PPP2R1B: variants seen among roughly 807,000 people sequenced by gnomAD.
PPP2R1B encodes protein phosphatase 2 scaffold subunit Abeta.
A neutral mutation model predicts 72.7 loss-of-function variants in PPP2R1B; 58 were observed. That is an observed-to-expected ratio of 0.80 (90% CI 0.65 to 0.99). The LOEUF (loss-of-function observed/expected upper bound fraction) is 0.99, where lower values mean the gene tolerates loss of function less well. PPP2R1B is among the 50% of genes least tolerant of loss of function. The probability of loss-of-function intolerance (pLI) is 0.00; values close to 1 mark genes in which losing one functional copy is unlikely to be tolerated. For synonymous variants in PPP2R1B, 256 were observed against 264.6 expected, an observed-to-expected ratio of 0.97 and a Z score of 0.32; for missense variants, 695 against 733.6, an observed-to-expected ratio of 0.95 and a Z score of 0.61.
At chr11:111,697,090 G>A in the PPP2R1B span, among the ~76,000 whole-genome samples, 2 of 152,174 alleles carry the variant, frequency 1.3e-5, no homozygotes, top group Admixed American at 1.3e-4. Context: ...CATAAAGGTG[G>A]TGGTTAACAA....
Position 111,740,067 on chromosome 11 carries a change from G to C in PPP2R1B, c.*1529C>G, listed in dbSNP as rs1003598339. Reference sequence around the variant, plus strand: ...TCACTAAACAGAACAGGACTTGTTAGATTTAAAAGAGGTTGTGAACAAAAT... The same window carrying C: ...TCACTAAACAGAACAGGACTTGTTACATTTAAAAGAGGTTGTGAACAAAAT... On this transcript the variant is annotated 3_prime_UTR_variant, in exon 15 of 15. Transcript: ENST00000527614. 3 of 985,208 alleles carry C rather than the reference G, an allele frequency of 3.0e-6. No individual in the cohort carries two copies. The Admixed American group carries it at 1.8e-4, about 61-fold the overall frequency. The allele number at this position is 985,208 out of a possible 1,614,324, so 61.0% of individuals were successfully genotyped here. A position where few individuals can be genotyped will look rare whatever the true frequency, so the allele number is the denominator to read the frequency against.
chr11:111,743,269 A>C, intron 12 of PPP2R1B, 107 bp downstream of exon 12: 1 of 1,137,448 alleles, frequency 8.8e-7, no homozygotes, highest in Non-Finnish European at 1.2e-6. Context: ...TAATCAATAC[A>C]AGACATATAT....
chr11:111,695,383 T>C, the PPP2R1B span, among the ~76,000 whole-genome samples: 4 of 152,198 alleles, frequency 2.6e-5, no homozygotes, highest in Non-Finnish European at 5.9e-5. Context: ...AGCTTGAAGA[T>C]TGGTTTTCAA....
chr11:111,705,191 T>C, the PPP2R1B span: 1 of 1,459,524 alleles, frequency 6.9e-7, no homozygotes, highest in South Asian at 1.6e-5. This position sits in a 1 kb window ranked among gnomAD's most constrained non-coding sequence, Gnocchi z 4.3. Context: ...TGTTCACATG[T>C]TTGATACATT....
At chr11:111,737,672 G>C (rs1293031203), downstream of PPP2R1B, 50 of 1,564,042 alleles carry the variant, frequency 3.2e-5, no homozygotes, top group Non-Finnish European at 5.2e-6. Context: ...TGTGCCAGCA[G>C]AGTTGGGTGT....
chr11:111,738,237 A>G lies in PPP2R1B; in HGVS notation c.*3359T>C. Reference sequence around the variant, plus strand: ...ACAGGGCCTCTCCCTCTACAGTTTCATATCCAAGCAGTGGAGAAAAATAAG... The same window carrying G: ...ACAGGGCCTCTCCCTCTACAGTTTCGTATCCAAGCAGTGGAGAAAAATAAG... On this transcript the variant is annotated 3_prime_UTR_variant, in exon 15 of 15. Coordinates refer to ENST00000527614, the MANE Select transcript of PPP2R1B (RefSeq NM_002716.5). The G allele has an allele frequency of 1.0e-6, 1 of 985,544 alleles. No individual in the cohort carries two copies. The highest frequency in any genetic ancestry group is 1.2e-6 in the Non-Finnish European group (1 of 830,020). The allele number at this position is 985,544 out of a possible 1,614,324, so 61.0% of individuals were successfully genotyped here.
chr11:111,709,025 C>T, the PPP2R1B span, among the ~76,000 whole-genome samples: 1 of 152,350 alleles, frequency 6.6e-6, no homozygotes, highest in East Asian at 1.9e-4. Context: ...CCCTTCACAA[C>T]AGGTTGTGCC....
At chr11:111,765,267 C>T in intron 2 of PPP2R1B, 27 bp downstream of exon 2, 1 of 1,575,570 alleles carries the variant, frequency 6.3e-7, no homozygotes. Context: ...AATGTCCCTA[C>T]CTTTCTTTAA....
In PPP2R1B at chr11:111,742,584, C is replaced by G; in HGVS notation, c.1636G>C (p.Ala546Pro). The change falls in exon 13 of 15, where the codon GCA becomes CCA. Residue 546 changes from alanine (A) to proline (P), a missense_variant. Physicochemically the swap from Ala to Pro is conservative, Grantham distance 27. Transcript: ENST00000527614. Reference sequence around the variant, plus strand: ...TTGGCCACATTGAAGCGAACATTTGCTACTTGGTCTCCTGCCATTTTTAAT... The same window carrying G: ...TTGGCCACATTGAAGCGAACATTTGGTACTTGGTCTCCTGCCATTTTTAAT... ...IVLKMAGDQV[A>P]NVRFNVAKSL... 6.2e-7 allele frequency: 1 copy of G among 1,613,866 alleles called. No homozygotes were observed. Among genetic ancestry groups the G allele is most frequent in the South Asian group, 1.1e-5 (1 of 91,078 alleles).
the PPP2R1B span, chr11:111,721,775 G>A: frequency 9.2e-5 from 129 of 1,402,598 alleles, no homozygotes; most frequent in Non-Finnish European, 1.2e-4. Flanking sequence ...GCTAAGAACT[G>A]AGACGTTTTT....
At chr11:111,736,011 T>G (rs1438857643), downstream of PPP2R1B, among the ~76,000 whole-genome samples, 2 of 152,178 alleles carry the variant, frequency 1.3e-5, no homozygotes, top group Non-Finnish European at 2.9e-5. Flanking sequence ...GGGATTTTTC[T>G]GAGTTAAATG....
At chr11:111,690,359 C>T in the PPP2R1B span, among the ~76,000 whole-genome samples, 3 of 149,776 alleles carry the variant, frequency 2.0e-5, no homozygotes, top group Admixed American at 6.7e-5. Context: ...ATTACCAAAA[C>T]GAAATATTTA....
At chr11:111,765,628 A>AAGACAAT (rs1555052790) in intron 1 of PPP2R1B, among the ~76,000 whole-genome samples, 1 of 152,248 alleles carries the variant, frequency 6.6e-6, no homozygotes, top group African/African-American at 2.4e-5. Context: ...AAATGAAGGA[A>AAGACAAT]AGACAATACA....
At chr11:111,689,984 GTATA>G in the PPP2R1B span, among the ~76,000 whole-genome samples, 4 of 148,692 alleles carry the variant, frequency 2.7e-5, no homozygotes, top group Middle Eastern at 3.4e-3. Context: ...GTGTGTATGT[GTATA>G]TATATATATA....
intron 10 of PPP2R1B, 140 bp from the exon 11 acceptor site, chr11:111,748,154 G>C (rs555917667): frequency 1.5e-6 from 1 of 649,286 alleles, no homozygotes; most frequent in Non-Finnish European, 2.6e-6. Context: ...AACACCACAG[G>C]AATTACAAAC....
rs571969847 is a variant in PPP2R1B at position 111,763,361 on chromosome 11, TC to T, written c.306+1443del. Among the ~76,000 whole-genome samples the T allele has an allele frequency of 2.0e-4, 31 of 152,284 alleles. No individual in the cohort carries two copies. The South Asian group carries it at 6.4e-3, about 32-fold the overall frequency. On this transcript the variant is annotated intron_variant, in intron 3 of 14. Coordinates refer to ENST00000527614, the MANE Select transcript of PPP2R1B (RefSeq NM_002716.5). ...TGCAGTACCACTGGGCATATGATAA[TC>T]CTACAGAGGCGGGTCATAAAAAGCC...
the PPP2R1B span, chr11:111,712,413 G>A: frequency 1.3e-6 from 2 of 1,586,214 alleles, no homozygotes; most frequent in Non-Finnish European, 8.6e-7. Context: ...CTGGCAGTTT[G>A]GCGAGAGATT....
At chr11:111,720,549 C>A in the PPP2R1B span, 1 of 1,614,080 alleles carries the variant, frequency 6.2e-7, no homozygotes, top group Non-Finnish European at 8.5e-7. Context: ...GGGGTCTGTT[C>A]AGAGGGACCT....
the PPP2R1B span, among the ~76,000 whole-genome samples, chr11:111,710,783 T>G: frequency 6.6e-6 from 1 of 152,234 alleles, no homozygotes; most frequent in Admixed American, 6.5e-5. Flanking sequence ...TCACACAATT[T>G]GTACGTGATG....
Sources: gnomAD v4.1 joint callset for allele counts (sites outside exome capture counted in the v4.1 genomes callset) on GRCh38, gnomAD v4.1.1 for gene constraint, Gnocchi (gnomAD v3.1) non-coding constraint, MANE v1.5 for transcripts, NCBI Gene and HGNC (gene_info 2026-07-23, HGNC 2026-07-21) for gene names.